Variants in TSPAN16 observed in about 807,000 individuals in gnomAD.
TSPAN16 encodes tetraspanin 16, also known as tetraspanin-16.
Under a neutral mutation model 25.2 loss-of-function variants are expected in TSPAN16, and 23 were observed. The observed-to-expected ratio is 0.91, with a 90% CI of 0.66 to 1.29. The LOEUF (loss-of-function observed/expected upper bound fraction) is 1.29. TSPAN16 is among the 50% of genes most tolerant of loss of function. The pLI is 0.00. For synonymous variants in TSPAN16, 123 were observed against 124.4 expected, an observed-to-expected ratio of 0.99 and a Z score of 0.08; for missense variants, 272 against 299.9, an observed-to-expected ratio of 0.91 and a Z score of 0.69.
At chr19:11,307,511 T>G (rs949410930) in intron 5 of TSPAN16, among the ~76,000 whole-genome samples, 1 of 151,952 alleles carries the variant, frequency 6.6e-6, no homozygotes, top group Non-Finnish European at 1.5e-5. Flanking sequence ...CTCAAACTCC[T>G]GGGCTCAAGT....
chr19:11,307,475 A>G (rs1315790981), intron 5 of TSPAN16, among the ~76,000 whole-genome samples: 2 of 149,192 alleles, frequency 1.3e-5, no homozygotes, highest in Non-Finnish European at 3.0e-5. Flanking sequence ...CAGGAGTGCA[A>G]TGGTGCAATC....
At chr19:11,316,290 T>C (rs2080749207), downstream of TSPAN16, among the ~76,000 whole-genome samples, 1 of 152,122 alleles carries the variant, frequency 6.6e-6, no homozygotes, top group African/African-American at 2.4e-5. Flanking sequence ...AGCTAATTTT[T>C]TGTATGTTTA....
chr19:11,301,087 T>C, intron 3 of TSPAN16, 114 bp from the exon 4 acceptor site: 1 of 799,996 alleles, frequency 1.3e-6, no homozygotes. Flanking sequence ...GTAGGAAAAA[T>C]GAAGGCAGCA....
intron 5 of TSPAN16, among the ~76,000 whole-genome samples, chr19:11,307,423 T>G (rs1454110331): frequency 6.6e-6 from 1 of 150,434 alleles, no homozygotes; most frequent in Admixed American, 6.7e-5. Flanking sequence ...CCCGGCCTTA[T>G]TTTTATTTTT....
At chr19:11,297,418 C>T (rs979187086) in intron 1 of TSPAN16, among the ~76,000 whole-genome samples, 9 of 152,134 alleles carry the variant, frequency 5.9e-5, no homozygotes, top group Admixed American at 2.6e-4. Flanking sequence ...CACCTTAAGT[C>T]CTGCAGAGGC....
At chr19:11,299,203 C>T (rs974730385) in intron 3 of TSPAN16, among the ~76,000 whole-genome samples, 6 of 151,968 alleles carry the variant, frequency 3.9e-5, no homozygotes, top group African/African-American at 1.2e-4. Flanking sequence ...TCCCTTGAAC[C>T]CGGGAGGCAG....
chr19:11,319,199 CAG>C (rs1491133088), downstream of TSPAN16, among the ~76,000 whole-genome samples: 6 of 152,330 alleles, frequency 3.9e-5, no homozygotes, highest in Admixed American at 2.0e-4. Flanking sequence ...GCTACAAAGT[CAG>C]GGGGGGTTCT....
intron 6 of TSPAN16, chr19:11,325,515 A>G (rs2080807236): frequency 1.2e-6 from 2 of 1,613,790 alleles, no homozygotes; most frequent in Non-Finnish European, 8.5e-7. Context: ...CGCAGATGAC[A>G]TCCACCAGGC....
intron 6 of TSPAN16, among the ~76,000 whole-genome samples, chr19:11,321,010 A>G (rs759452546): frequency 3.3e-5 from 5 of 152,006 alleles, no homozygotes; most frequent in Admixed American, 6.6e-5. Context: ...CTCTACTAAA[A>G]ACACAAAAAT....
intron 6 of TSPAN16, among the ~76,000 whole-genome samples, chr19:11,312,964 T>C (rs778956287): frequency 4.6e-5 from 7 of 151,946 alleles, no homozygotes; most frequent in Non-Finnish European, 8.8e-5. Flanking sequence ...TAGATAAACA[T>C]AAACTACCAA....
chr19:11,320,109 C>T (rs1251149839), downstream of TSPAN16, among the ~76,000 whole-genome samples: 1 of 141,708 alleles, frequency 7.1e-6, no homozygotes, highest in Non-Finnish European at 1.5e-5. Context: ...TGAGCCACTA[C>T]GCCCGGCCAG....
At chr19:11,300,119 G>A (rs2080528141) in intron 3 of TSPAN16, among the ~76,000 whole-genome samples, 1 of 152,178 alleles carries the variant, frequency 6.6e-6, no homozygotes, top group Non-Finnish European at 1.5e-5. Flanking sequence ...GAAGGAGGCG[G>A]CTCTCTGGGC....
downstream of TSPAN16, among the ~76,000 whole-genome samples, chr19:11,318,429 C>G (rs541194949): frequency 7.9e-5 from 12 of 151,578 alleles, no homozygotes; most frequent in Admixed American, 7.2e-4. Context: ...CAAAGTGCTG[C>G]AATTACAGGC....
intron 5 of TSPAN16, among the ~76,000 whole-genome samples, chr19:11,308,266 A>C (rs2080650799): frequency 6.6e-6 from 1 of 151,634 alleles, no homozygotes; most frequent in African/African-American, 2.4e-5. Flanking sequence ...AATCAGAGCC[A>C]GGGCAACATA....
chr19:11,324,756 G>A (rs2080801518), intron 6 of TSPAN16: 1 of 152,674 alleles, frequency 6.5e-6, no homozygotes, highest in Non-Finnish European at 1.5e-5. Context: ...CCTGAAGCCG[G>A]GGGGTTGAGG....
downstream of TSPAN16, among the ~76,000 whole-genome samples, chr19:11,320,653 A>G (rs779648519): frequency 1.7e-4 from 26 of 150,208 alleles, no homozygotes; most frequent in Non-Finnish European, 3.7e-4. Context: ...AGCCAGGGCC[A>G]TACGGCAAGA....
chr19:11,298,787 C>A, intron 2 of TSPAN16, 85 bp from the exon 3 acceptor site: 1 of 1,351,048 alleles, frequency 7.4e-7, no homozygotes, highest in Non-Finnish European at 1.1e-6. Context: ...GTCGGGGGAA[C>A]AGAGACAACC....
chr19:11,310,564 C>T (rs1412137501), intron 5 of TSPAN16, among the ~76,000 whole-genome samples: 1 of 151,328 alleles, frequency 6.6e-6, no homozygotes. Context: ...GCCCTACCAT[C>T]TTCAGGAGGA....
chr19:11,316,612 G>A (rs757077285), downstream of TSPAN16, among the ~76,000 whole-genome samples: 7 of 151,870 alleles, frequency 4.6e-5, no homozygotes, highest in Non-Finnish European at 7.4e-5. Flanking sequence ...TATATTTATA[G>A]GGTACAATGT....
Sources: allele counts gnomAD v4.1 joint callset (sites outside exome capture counted in the v4.1 genomes callset), GRCh38; gene constraint gnomAD v4.1.1; transcripts MANE v1.5; gene names NCBI Gene and HGNC (gene_info 2026-07-23, HGNC 2026-07-21).